Variants in RBFOX2 observed in about 807,000 individuals in gnomAD.
RBFOX2 encodes RNA binding protein fox-1 homolog 2.
In RBFOX2, 10 loss-of-function variants were observed where a neutral mutation model predicts 49.1. The observed-to-expected ratio is 0.20, with a 90% CI of 0.13 to 0.35. The LOEUF (loss-of-function observed/expected upper bound fraction) is 0.35. Among genes scored for constraint, RBFOX2 ranks in the 10% least tolerant of loss-of-function variants. RBFOX2 has a pLI of 1.00. For synonymous variants in RBFOX2, 183 were observed against 187.4 expected (o/e 0.98, Z 0.19); for missense variants, 323 against 486.9 (o/e 0.66, Z 3.17).
At chr22:35,827,938 G>A (rs1006945475) in intron 1 of RBFOX2, among the ~76,000 whole-genome samples, 5 of 152,078 alleles carry the variant, frequency 3.3e-5, no homozygotes, top group African/African-American at 1.2e-4. Context: ...AGGCCGAGGT[G>A]GGCAGATCAC....
intron 1 of RBFOX2, among the ~76,000 whole-genome samples, chr22:35,921,213 T>C (rs919374168): frequency 6.6e-6 from 1 of 152,144 alleles, no homozygotes; most frequent in African/African-American, 2.4e-5. Context: ...ATGTGGAAAA[T>C]GAAGAGGAAA....
chr22:35,840,140 T>C, intron 1 of RBFOX2: 2 of 1,595,072 alleles, frequency 1.3e-6, no homozygotes, highest in East Asian at 4.5e-5. Context: ...CAAACCTTTA[T>C]TTAGATCCCA....
exon 1 of RBFOX2, chr22:35,840,524 C>A (rs1369476222): frequency 7.3e-6 from 9 of 1,236,740 alleles, no homozygotes; most frequent in African/African-American, 1.5e-5. Flanking sequence ...CCTCTTCCTC[C>A]TCCCCCCACC....
chr22:35,806,360 T>C (rs1373242165), intron 2 of RBFOX2, among the ~76,000 whole-genome samples: 2 of 152,152 alleles, frequency 1.3e-5, no homozygotes, highest in Admixed American at 6.5e-5. Context: ...TGTATTGTTA[T>C]ATATCTAAAA....
chr22:35,927,327 G>A (rs983826308), intron 1 of RBFOX2, among the ~76,000 whole-genome samples: 4 of 152,094 alleles, frequency 2.6e-5, no homozygotes, highest in East Asian at 1.9e-4. Context: ...AAGAAAGGCC[G>A]GGCACAGTGG....
intron 1 of RBFOX2, among the ~76,000 whole-genome samples, chr22:35,868,935 C>T (rs976756847): frequency 3.3e-5 from 5 of 152,162 alleles, no homozygotes; most frequent in Non-Finnish European, 7.4e-5. Context: ...AGGTATTTCC[C>T]CCCAAGTCTA....
upstream of RBFOX2, among the ~76,000 whole-genome samples, chr22:35,845,262 T>C (rs749268289): frequency 1.4e-4 from 22 of 152,096 alleles, no homozygotes; most frequent in Non-Finnish European, 2.8e-4. Flanking sequence ...TCTAATACAA[T>C]ACCACTTTAA....
At chr22:35,913,463 T>G (rs2050053648) in intron 1 of RBFOX2, among the ~76,000 whole-genome samples, 1 of 150,638 alleles carries the variant, frequency 6.6e-6, no homozygotes, top group Non-Finnish European at 1.5e-5. Context: ...GATATATATA[T>G]CCTGTTATTT....
chr22:35,894,984 A>C (rs2047664082), intron 1 of RBFOX2, among the ~76,000 whole-genome samples: 1 of 150,948 alleles, frequency 6.6e-6, no homozygotes, highest in South Asian at 2.1e-4. Context: ...ATCCTAAAAA[A>C]AAAAAAAAGA....
At chr22:35,832,138 G>A (rs948706950) in intron 1 of RBFOX2, among the ~76,000 whole-genome samples, 5 of 152,168 alleles carry the variant, frequency 3.3e-5, no homozygotes, top group South Asian at 2.1e-4. Flanking sequence ...TTGGGAGGTC[G>A]AGGCAGGTGT....
At chr22:35,841,590 G>A (rs1420962907), upstream of RBFOX2, among the ~76,000 whole-genome samples, 4 of 151,964 alleles carry the variant, frequency 2.6e-5, no homozygotes, top group Admixed American at 6.5e-5. Flanking sequence ...ATTTTTTACA[G>A]CATTCTAATA....
In RBFOX2 at chr22:35,907,375, A is replaced by T. The variant is rs1240924298; in HGVS notation, c.-34+31472T>A. On this transcript the variant is annotated intron_variant, in intron 1 of 13. Transcript: ENST00000359369. ...GGACACCCCTCTTTTCTTCCTCTCA[A>T]ACTGCTTTGTGGAAAGGGGGAAATG... Among the ~76,000 whole-genome samples, 3 of 152,132 alleles carry T rather than the reference A, an allele frequency of 2.0e-5. No homozygotes were observed. In the East Asian group the frequency reaches 5.8e-4, roughly 29 times the overall value.
rs1292980781 is a variant in RBFOX2 at position 35,746,132 on chromosome 22, G to GA, written c.977-138dup. ...AGGAAACTGGAATTACAAGGAATAG[G>GA]AAAAAACCTTTCTATTTCTACTCCC... On this transcript the variant is annotated intron_variant, in intron 10 of 11. Transcript: ENST00000405409. 1.2e-5 allele frequency: 9 copies of GA among 780,062 alleles called. No homozygotes were observed. In the Admixed American group the frequency reaches 2.2e-4, roughly 19 times the overall value. The allele number at this position is 780,062 out of a possible 1,614,324, so 48.3% of individuals were successfully genotyped here.
At chr22:35,938,853 G>T in exon 1 of RBFOX2, 6 of 1,613,710 alleles carry the variant, frequency 3.7e-6, no homozygotes, top group Non-Finnish European at 4.2e-6. Context: ...CAACCTGGCT[G>T]TCCCGCGCTG....
chr22:35,945,232 C>G (rs1220222425), intron 1 of RBFOX2, among the ~76,000 whole-genome samples: 2 of 152,078 alleles, frequency 1.3e-5, no homozygotes, highest in Non-Finnish European at 2.9e-5. Context: ...CAGAAGGAAA[C>G]AGACCACACT....
chr22:35,933,348 T>G (rs548159480), intron 1 of RBFOX2, among the ~76,000 whole-genome samples: 24 of 152,372 alleles, frequency 1.6e-4, no homozygotes, highest in Non-Finnish European at 2.9e-4. Flanking sequence ...TTAGTTGGGT[T>G]TTTTGTGTAC....
intron 1 of RBFOX2, among the ~76,000 whole-genome samples, chr22:36,014,186 A>G (rs2058943686): frequency 6.6e-6 from 1 of 151,714 alleles, no homozygotes; most frequent in East Asian, 1.9e-4. Flanking sequence ...CAGTGGCGCA[A>G]TCGCGGCTCA....
Position 35,898,021 on chromosome 22 carries a change from T to C in RBFOX2, c.-34+40826A>G, listed in dbSNP as rs553746362. On this transcript the variant is annotated intron_variant, in intron 1 of 13. Transcript: ENST00000359369. Reference sequence around the variant, plus strand: ...GGTTTCCCAGTCTCGTCCAACAAGATTTATGACCACATTGCTGTGTTCCAC... The same window carrying C: ...GGTTTCCCAGTCTCGTCCAACAAGACTTATGACCACATTGCTGTGTTCCAC... The C allele has an allele frequency of 8.1e-4, 586 of 725,982 alleles. 1 individual carries two copies. Among genetic ancestry groups the C allele is most frequent in the Non-Finnish European group, 1.3e-3 (520 of 390,528 alleles). The allele number at this position is 725,982 out of a possible 1,614,324, so 45.0% of individuals were successfully genotyped here. A position where few individuals can be genotyped will look rare whatever the true frequency, so the allele number is the denominator to read the frequency against.
At chr22:35,879,212 A>G (rs2045557149) in intron 1 of RBFOX2, among the ~76,000 whole-genome samples, 1 of 152,204 alleles carries the variant, frequency 6.6e-6, no homozygotes, top group South Asian at 2.1e-4. Flanking sequence ...TAAGCCCTCC[A>G]TATTTGTGGG....
Sources: gnomAD v4.1 joint callset for allele counts (sites outside exome capture counted in the v4.1 genomes callset) on GRCh38, gnomAD v4.1.1 for gene constraint, MANE v1.5 for transcripts, NCBI Gene and HGNC (gene_info 2026-07-23, HGNC 2026-07-21) for gene names.